Variants in RAB38 observed in about 807,000 individuals in gnomAD.
The protein encoded by RAB38 is ras-related protein Rab-38.
In RAB38, 15 loss-of-function variants were observed where a neutral mutation model predicts 18.4. The observed-to-expected ratio is 0.82, with a 90% confidence interval of 0.55 to 1.26. The LOEUF is 1.26. Among genes scored for constraint, RAB38 ranks in the 50% most tolerant of loss-of-function variants. RAB38 has a pLI of 0.00. For missense variants in RAB38, 294 were observed against 267.4 expected (o/e 1.10, Z -0.69); for synonymous variants, 101 against 104.4 (o/e 0.97, Z 0.20).
intron 2 of RAB38, among the ~76,000 whole-genome samples, chr11:88,136,620 G>A (rs1203972807): frequency 6.6e-6 from 1 of 152,156 alleles, no homozygotes; most frequent in African/African-American, 2.4e-5. Context: ...ATGAGAACAT[G>A]TGCAACAGCA....
intron 1 of RAB38, among the ~76,000 whole-genome samples, chr11:88,174,620 C>CAAAAAAAAAAA (rs60026669): frequency 4.0e-3 from 405 of 100,404 alleles, no homozygotes; most frequent in East Asian, 0.011. Context: ...AAGCAAAAAG[C>CAAAAAAAAAAA]AAAAAAAAAA....
intron 2 of RAB38, among the ~76,000 whole-genome samples, chr11:88,136,761 T>C (rs995599122): frequency 6.6e-6 from 1 of 152,172 alleles, no homozygotes; most frequent in African/African-American, 2.4e-5. Flanking sequence ...GGCTAATTAA[T>C]TCCCTCAAAA....
chr11:88,034,635 C>G, the RAB38 span, among the ~76,000 whole-genome samples: 2 of 152,194 alleles, frequency 1.3e-5, no homozygotes, highest in East Asian at 1.9e-4. Flanking sequence ...TATTTGCCAT[C>G]TGTATATCCT....
At chr11:88,048,014 T>C in the RAB38 span, among the ~76,000 whole-genome samples, 1 of 152,156 alleles carries the variant, frequency 6.6e-6, no homozygotes, top group Admixed American at 6.5e-5. Context: ...CTCATTTCCT[T>C]TCCATCATGA....
the RAB38 span, among the ~76,000 whole-genome samples, chr11:87,940,172 A>AAG: frequency 6.6e-6 from 1 of 151,562 alleles, no homozygotes; most frequent in East Asian, 1.9e-4. Flanking sequence ...AATACAAAAA[A>AAG]AAAAAAAAGA....
chr11:88,053,203 AATATATATATACACACATAT>A, the RAB38 span, among the ~76,000 whole-genome samples: 1 of 116,662 alleles, frequency 8.6e-6, no homozygotes, highest in South Asian at 2.5e-4. Flanking sequence ...ATATATATGG[AATATATATATACACACATAT>A]ATATGGAATA....
the RAB38 span, among the ~76,000 whole-genome samples, chr11:87,977,937 A>G: frequency 1.8e-5 from 2 of 113,616 alleles, no homozygotes; most frequent in Non-Finnish European, 3.3e-5. Context: ...ACACCTTTAT[A>G]TAATATATTA....
chr11:88,171,622 G>A (rs2134859549), intron 1 of RAB38, among the ~76,000 whole-genome samples: 1 of 152,256 alleles, frequency 6.6e-6, no homozygotes, highest in Non-Finnish European at 1.5e-5. Context: ...CTATTATACT[G>A]GGAAATTATA....
chr11:87,814,202 A>G, the RAB38 span, among the ~76,000 whole-genome samples: 36 of 152,154 alleles, frequency 2.4e-4, no homozygotes, highest in Non-Finnish European at 4.3e-4. Flanking sequence ...GTAGGTTAAG[A>G]GACTAAAGCT....
the RAB38 span, among the ~76,000 whole-genome samples, chr11:88,065,123 G>T: frequency 6.6e-6 from 1 of 152,158 alleles, no homozygotes. Context: ...TTCCCTCACA[G>T]ATCCAAATAT....
chr11:87,893,786 C>G, the RAB38 span, among the ~76,000 whole-genome samples: 1 of 151,570 alleles, frequency 6.6e-6, no homozygotes, highest in Non-Finnish European at 1.5e-5. Flanking sequence ...AGTATTTGTC[C>G]TTTCGTGACC....
At chr11:88,123,739 T>G (rs925770443) in intron 2 of RAB38, among the ~76,000 whole-genome samples, 2 of 152,192 alleles carry the variant, frequency 1.3e-5, no homozygotes, top group African/African-American at 4.8e-5. Context: ...TGGCCTTACC[T>G]ATAAGGCAGA....
At chr11:88,018,272 C>T in the RAB38 span, among the ~76,000 whole-genome samples, 1 of 152,102 alleles carries the variant, frequency 6.6e-6, no homozygotes, top group Non-Finnish European at 1.5e-5. Context: ...TATCAAAAGT[C>T]AACTCTTAAA....
At chr11:87,949,903 G>T in the RAB38 span, among the ~76,000 whole-genome samples, 3 of 152,146 alleles carry the variant, frequency 2.0e-5, no homozygotes, top group African/African-American at 4.8e-5. Context: ...ATGTCTATTA[G>T]GTCTGCTTGG....
At chr11:88,047,946 G>A in the RAB38 span, among the ~76,000 whole-genome samples, 3 of 152,072 alleles carry the variant, frequency 2.0e-5, no homozygotes, top group Non-Finnish European at 4.4e-5. Flanking sequence ...CTATTCTGTC[G>A]TCATTTCATA....
At chr11:87,941,247 G>GAGATATATATATATATATA in the RAB38 span, among the ~76,000 whole-genome samples, 1 of 30,874 alleles carries the variant, frequency 3.2e-5, no homozygotes. Context: ...ATATATATAT[G>GAGATATATATATATATATA]TAACTTCTAT....
chr11:87,930,968 C>A, the RAB38 span, among the ~76,000 whole-genome samples: 2 of 152,080 alleles, frequency 1.3e-5, no homozygotes, highest in Admixed American at 6.5e-5. Flanking sequence ...GTTACTGTAG[C>A]CTTGTAGCAT....
the RAB38 span, among the ~76,000 whole-genome samples, chr11:87,928,291 A>T: frequency 1.3e-5 from 2 of 152,046 alleles, no homozygotes; most frequent in Non-Finnish European, 2.9e-5. Context: ...CTAATTTATC[A>T]GTTTATTCTA....
the RAB38 span, among the ~76,000 whole-genome samples, chr11:87,946,406 A>G: frequency 2.0e-5 from 3 of 152,124 alleles, no homozygotes; most frequent in African/African-American, 7.2e-5. Flanking sequence ...TTTTTAAATT[A>G]TACTTTAAGT....
Sources: allele counts gnomAD v4.1 joint callset (sites outside exome capture counted in the v4.1 genomes callset), GRCh38; gene constraint gnomAD v4.1.1; transcripts MANE v1.5; gene names NCBI Gene and HGNC (gene_info 2026-07-23, HGNC 2026-07-21).